Variants in ANKRD44 observed in about 807,000 individuals in gnomAD.
ANKRD44 encodes ankyrin repeat domain 44.
In ANKRD44, 35 loss-of-function variants were observed where a neutral mutation model predicts 116.0. That is an observed-to-expected ratio of 0.30 (90% CI 0.23 to 0.40). ANKRD44 has a LOEUF of 0.40. Ranked by LOEUF, ANKRD44 falls within the 10% of genes least tolerant of loss-of-function variation. The pLI is 1.00. For missense variants in ANKRD44, 1,014 were observed against 1,242.6 expected (o/e 0.82, Z 2.77); for synonymous variants, 435 against 461.8 (o/e 0.94, Z 0.74).
intron 11 of ANKRD44, among the ~76,000 whole-genome samples, chr2:197,089,152 T>C (rs967195559): frequency 6.6e-6 from 1 of 152,228 alleles, no homozygotes; most frequent in Non-Finnish European, 1.5e-5. Flanking sequence ...AACAGATTTT[T>C]TTCTGAAGTG....
At chr2:197,228,694 A>G (rs1045202653) in intron 1 of ANKRD44, among the ~76,000 whole-genome samples, 4 of 152,228 alleles carry the variant, frequency 2.6e-5, no homozygotes, top group Non-Finnish European at 5.9e-5. Context: ...TAGCAGAATT[A>G]TCAGACACCA....
At chr2:197,309,253 A>G (rs1009048906) in intron 1 of ANKRD44, among the ~76,000 whole-genome samples, 3 of 152,212 alleles carry the variant, frequency 2.0e-5, no homozygotes, top group African/African-American at 4.8e-5. Context: ...GGAAATCCTG[A>G]TATCAACTTA....
intron 2 of ANKRD44, among the ~76,000 whole-genome samples, chr2:197,174,661 GGCTTCA>G (rs2080322408): frequency 6.6e-6 from 1 of 152,210 alleles, no homozygotes; most frequent in African/African-American, 2.4e-5. Flanking sequence ...GATTAAAAGA[GGCTTCA>G]GCTCTGTTCA....
intron 26 of ANKRD44, chr2:196,994,786 G>A (rs2075984093): frequency 6.6e-6 from 1 of 152,578 alleles, no homozygotes; most frequent in African/African-American, 2.4e-5. Context: ...GCCTCCCAAA[G>A]TGCTGGGATT....
At chr2:197,105,552 G>A (rs1355215027) in intron 9 of ANKRD44, among the ~76,000 whole-genome samples, 3 of 152,194 alleles carry the variant, frequency 2.0e-5, no homozygotes, top group East Asian at 1.9e-4. Flanking sequence ...TATTGGGATA[G>A]GGCTGAGGAG....
At chr2:197,186,365 A>C (rs1249397547) in intron 2 of ANKRD44, among the ~76,000 whole-genome samples, 1 of 152,220 alleles carries the variant, frequency 6.6e-6, no homozygotes, top group African/African-American at 2.4e-5. Context: ...GTATGTTCAT[A>C]TAACATTAGA....
At chr2:196,976,907 G>T (rs775300559) in intron 21 of ANKRD44, among the ~76,000 whole-genome samples, 57 of 151,876 alleles carry the variant, frequency 3.8e-4, no homozygotes, top group Non-Finnish European at 6.9e-4. Context: ...AAAGAAGAGA[G>T]GGAGGGAGGG....
At chr2:197,167,485 A>C (rs960936777) in intron 2 of ANKRD44, among the ~76,000 whole-genome samples, 3 of 152,176 alleles carry the variant, frequency 2.0e-5, no homozygotes, top group African/African-American at 4.8e-5. Context: ...TCTATCTTAG[A>C]TGGGTATCTT....
At chr2:196,969,431 C>T (rs2075698855) in intron 21 of ANKRD44, among the ~76,000 whole-genome samples, 1 of 152,014 alleles carries the variant, frequency 6.6e-6, no homozygotes, top group Non-Finnish European at 1.5e-5. Flanking sequence ...TTTTATACCA[C>T]TTTTTATTCT....
chr2:197,256,797 C>T (rs906325448), intron 1 of ANKRD44, among the ~76,000 whole-genome samples: 1 of 152,150 alleles, frequency 6.6e-6, no homozygotes, highest in Non-Finnish European at 1.5e-5. Context: ...GCTAATCGCT[C>T]CTGTGCAATG....
chr2:197,023,959 G>A (rs77913755), intron 17 of ANKRD44, among the ~76,000 whole-genome samples: 12,632 of 152,212 alleles, frequency 0.083, 695 homozygotes, highest in African/African-American at 0.15. Flanking sequence ...ATGTGTGTAT[G>A]AGCGTGTAGT....
At chr2:197,036,893 A>C (rs2076818061) in intron 16 of ANKRD44, among the ~76,000 whole-genome samples, 2 of 152,276 alleles carry the variant, frequency 1.3e-5, no homozygotes, top group African/African-American at 4.8e-5. Flanking sequence ...AAAGCCATTT[A>C]ATAGTGAAAC....
intron 2 of ANKRD44, among the ~76,000 whole-genome samples, chr2:197,156,770 G>A (rs2079826798): frequency 6.6e-6 from 1 of 152,150 alleles, no homozygotes; most frequent in Non-Finnish European, 1.5e-5. Flanking sequence ...CAATTAAAAG[G>A]AATGAACTAT....
intron 16 of ANKRD44, among the ~76,000 whole-genome samples, chr2:197,071,218 T>C (rs1574399488): frequency 6.6e-6 from 1 of 152,174 alleles, no homozygotes; most frequent in East Asian, 1.9e-4. Context: ...TCTGCCTCCA[T>C]CTTTATATCA....
chr2:197,276,930 T>A (rs1448428782), intron 1 of ANKRD44, among the ~76,000 whole-genome samples: 5 of 149,842 alleles, frequency 3.3e-5, no homozygotes, highest in Admixed American at 6.6e-5. Context: ...CCAGGAATTT[T>A]TTTTTTTTTT....
At chr2:197,101,689 T>C (rs1475989121) in intron 9 of ANKRD44, among the ~76,000 whole-genome samples, 1 of 152,236 alleles carries the variant, frequency 6.6e-6, no homozygotes, top group Non-Finnish European at 1.5e-5. Flanking sequence ...TCTTTGTAAT[T>C]AACAGGCAAT....
intron 2 of ANKRD44, among the ~76,000 whole-genome samples, chr2:197,171,049 G>A (rs887099869): frequency 1.3e-5 from 2 of 152,154 alleles, no homozygotes; most frequent in African/African-American, 4.8e-5. Context: ...GTTTAATCAG[G>A]GCTAATGATT....
intron 1 of ANKRD44, among the ~76,000 whole-genome samples, chr2:197,260,989 A>C (rs1269227388): frequency 5.3e-5 from 8 of 151,326 alleles, no homozygotes; most frequent in Non-Finnish European, 8.8e-5. Context: ...CCTTTGTCAG[A>C]TCAGTAGGTT....
chr2:197,171,999 C>CT (rs34135336), intron 2 of ANKRD44, among the ~76,000 whole-genome samples: 3,145 of 43,722 alleles, frequency 0.072, 62 homozygotes, highest in Non-Finnish European at 0.1. Flanking sequence ...TATTTTTCTT[C>CT]TTTTTTTTTT....
Sources: allele counts gnomAD v4.1 joint callset (sites outside exome capture counted in the v4.1 genomes callset), GRCh38; gene constraint gnomAD v4.1.1; transcripts MANE v1.5; gene names NCBI Gene and HGNC (gene_info 2026-07-23, HGNC 2026-07-21).